Variants in OGDH observed in about 807,000 individuals in gnomAD.
OGDH encodes 2-oxoglutarate dehydrogenase complex component E1.
OGDH carries 38 observed loss-of-function variants against 116.6 expected under a neutral mutation model. The observed-to-expected ratio is 0.33, with a 90% CI of 0.25 to 0.43. The LOEUF (loss-of-function observed/expected upper bound fraction) is 0.43. Among genes scored for constraint, OGDH ranks in the 20% least tolerant of loss-of-function variants. OGDH has a pLI of 1.00. For synonymous variants in OGDH, 488 were observed against 533.3 expected (o/e 0.92, Z 1.17); for missense variants, 825 against 1,357.2 (o/e 0.61, Z 6.16).
chr7:44,645,367 C>T lies in OGDH; in HGVS notation c.263C>T (p.Pro88Leu). The T allele has an allele frequency of 6.2e-6, 10 of 1,614,174 alleles. No individual in the cohort carries two copies. The highest frequency in any genetic ancestry group is 1.1e-5 in the South Asian group (1 of 91,088). The change falls in exon 3 of 23, where the codon CCA becomes CTA. Residue 88 changes from proline (P) to leucine (L), a missense_variant. By Grantham distance (98) the Pro-to-Leu change is moderately conservative. This residue lies in a region of OGDH where 126 missense variants were observed against 130.4 expected (regional missense o/e 0.97). Coordinates refer to ENST00000222673, the MANE Select transcript of OGDH (RefSeq NM_002541.4). ...TTTCGCAACACGAATGCCGGAGCCC[C>T]ACCGGGCACTGCCTACCAGAGTCCC... ...IFFRNTNAGAPPGTAYQSPLP... is the reference protein window; with the variant it reads ...IFFRNTNAGALPGTAYQSPLP...
In OGDH at chr7:44,707,862, C is replaced by G. The variant is rs765909417; in HGVS notation, c.2952-17C>G. 6.2e-7 allele frequency: 1 copy of G among 1,611,188 alleles called. No individual in the cohort carries two copies. Among genetic ancestry groups the G allele is most frequent in the East Asian group, 2.2e-5 (1 of 44,874 alleles). On this transcript the variant is annotated splice_polypyrimidine_tract_variant and intron_variant, in intron 22 of 22. Transcript: ENST00000222673. The surrounding 1 kb of genome is among the most constrained non-coding windows in gnomAD (Gnocchi z 5.2). Reference sequence around the variant, plus strand: ...CAGTGTCCCCTGCCCTCACTGCCCCCTCCCTCCATCTCTCAGGTATGCCGG... The same window carrying G: ...CAGTGTCCCCTGCCCTCACTGCCCCGTCCCTCCATCTCTCAGGTATGCCGG...
rs976337419 is a variant in OGDH, at chr7:44,697,299, C to T, written c.2052-71C>T. ...CAGAGCATGGCATCTGCTGGTGCTT[C>T]GTGCGGGTCCCCAGCGTATTTGCTT... On this transcript the variant is annotated intron_variant, in intron 15 of 22. Coordinates refer to ENST00000222673, the MANE Select transcript of OGDH (RefSeq NM_002541.4). The surrounding 1 kb of genome is among the most constrained non-coding windows in gnomAD (Gnocchi z 6.0). 8.8e-6 allele frequency: 14 copies of T among 1,590,082 alleles called. No individual in the cohort carries two copies. The highest frequency in any genetic ancestry group is 4.0e-5 in the African/African-American group (3 of 74,612).
At chr7:44,638,452 T>G (rs1370669679) in intron 2 of OGDH, among the ~76,000 whole-genome samples, 4 of 152,232 alleles carry the variant, frequency 2.6e-5, no homozygotes, top group African/African-American at 9.6e-5. Context: ...AGCATGCTAT[T>G]AGATTGTGTA....
chr7:44,679,302 G>T (rs1381982371), intron 9 of OGDH, among the ~76,000 whole-genome samples: 2 of 152,164 alleles, frequency 1.3e-5, no homozygotes, highest in Non-Finnish European at 2.9e-5. Context: ...AAAACCAATG[G>T]CTTTTACACT....
At chr7:44,658,790 T>C (rs1786807214) in intron 4 of OGDH, among the ~76,000 whole-genome samples, 1 of 152,098 alleles carries the variant, frequency 6.6e-6, no homozygotes, top group African/African-American at 2.4e-5. Flanking sequence ...TATATTGAAT[T>C]TTGTCAGATG....
chr7:44,682,127 G>A (rs780359930), intron 10 of OGDH, among the ~76,000 whole-genome samples: 2 of 152,142 alleles, frequency 1.3e-5, no homozygotes, highest in Non-Finnish European at 2.9e-5. Flanking sequence ...GGGTGCAGTG[G>A]CTCAGTCCTG....
Position 44,681,768 on chromosome 7 carries a change from A to C in OGDH, c.1255A>C (p.Ile419Leu). 1 of 1,614,092 alleles carries C rather than the reference A, an allele frequency of 6.2e-7. No individual in the cohort carries two copies. The highest frequency in any genetic ancestry group is 8.5e-7 in the Non-Finnish European group (1 of 1,180,022). The change falls in exon 10 of 23, where the codon ATT (isoleucine) becomes CTT (leucine). Residue 419 changes from isoleucine to leucine, a missense_variant. Transcript: ENST00000222673. ...HGDAAFAGQG[I>L]VYETFHLSDL... ...GGATGCTGCATTTGCTGGCCAGGGC[A>C]TTGTGTACGAGACCTTCCACCTCAG...
chr7:44,650,477 T>C (rs1786389357), intron 4 of OGDH, among the ~76,000 whole-genome samples: 1 of 152,196 alleles, frequency 6.6e-6, no homozygotes, highest in Non-Finnish European at 1.5e-5. Context: ...CCTCAGGTGG[T>C]TTCAAAATTG....
intron 9 of OGDH, chr7:44,676,672 TA>T: frequency 3.1e-6 from 1 of 324,392 alleles, no homozygotes; most frequent in Non-Finnish European, 4.4e-6. Flanking sequence ...ATAGCAATAG[TA>T]AAACAGTCCT....
chr7:44,633,312 G>A (rs1785527892), intron 2 of OGDH, among the ~76,000 whole-genome samples: 1 of 150,048 alleles, frequency 6.7e-6, no homozygotes, highest in Admixed American at 6.6e-5. Flanking sequence ...GTGAAAAGGA[G>A]CAAATTGTTC....
chr7:44,646,516 C>G (rs973772895), intron 3 of OGDH, among the ~76,000 whole-genome samples: 1 of 152,230 alleles, frequency 6.6e-6, no homozygotes, highest in Non-Finnish European at 1.5e-5. Flanking sequence ...ATGCTATATG[C>G]TTTAAAGTGT....
chr7:44,650,077 T>C (rs1312722427), intron 4 of OGDH, among the ~76,000 whole-genome samples: 1 of 133,588 alleles, frequency 7.5e-6, no homozygotes, highest in Non-Finnish European at 1.7e-5. Flanking sequence ...CAGGGAGTAG[T>C]CTCCACGTTT....
intron 10 of OGDH, among the ~76,000 whole-genome samples, chr7:44,684,135 T>A (rs571658753): frequency 2.0e-5 from 3 of 151,928 alleles, no homozygotes; most frequent in African/African-American, 7.2e-5. Context: ...AGGAGAGAGG[T>A]CCTAGTGTCT....
chr7:44,700,279 A>AG lies in OGDH; in HGVS notation c.2559+13dup. 1 of 1,613,952 alleles carries AG rather than the reference A, an allele frequency of 6.2e-7. No homozygotes were observed. Among genetic ancestry groups the AG allele is most frequent in the South Asian group, 1.1e-5 (1 of 91,068 alleles). On this transcript the variant is annotated intron_variant, in intron 19 of 22. Coordinates refer to ENST00000222673, the MANE Select transcript of OGDH (RefSeq NM_002541.4). ...GCCATTCCGGAAGCCGGTCAGTGGC[A>AG]GGGCCTCCCTTGCTCAAACGAGGCC...
At chr7:44,668,437 AAAAC>A (rs766923013) in intron 5 of OGDH, among the ~76,000 whole-genome samples, 10 of 148,946 alleles carry the variant, frequency 6.7e-5, no homozygotes, top group African/African-American at 2.5e-4. Context: ...CTCCATCTCA[AAAAC>A]AAACAAAAAA....
chr7:44,700,387 G>T, intron 19 of OGDH, 118 bp downstream of exon 19: 1 of 1,296,528 alleles, frequency 7.7e-7, no homozygotes, highest in Non-Finnish European at 1.1e-6. Flanking sequence ...TGCAGGGGTA[G>T]TGTGGACAGG....
intron 4 of OGDH, among the ~76,000 whole-genome samples, chr7:44,663,796 T>C (rs571638983): frequency 6.6e-6 from 1 of 151,956 alleles, no homozygotes; most frequent in African/African-American, 2.4e-5. Flanking sequence ...AAAAACTAGC[T>C]GGACGTGGTG....
chr7:44,620,268 G>A, intron 1 of OGDH, among the ~76,000 whole-genome samples: 1 of 152,234 alleles, frequency 6.6e-6, no homozygotes, highest in East Asian at 1.9e-4. Context: ...TGATCCGCCT[G>A]CCTCAGCCTC....
At position 44,696,938 on chromosome 7, in the gene OGDH, G is replaced by C. The variant is rs758725914; in HGVS notation, c.1925G>C (p.Arg642Pro). The C allele has an allele frequency of 1.9e-6, 3 of 1,613,462 alleles. No homozygotes were observed. Among genetic ancestry groups the C allele is most frequent in the Non-Finnish European group, 2.5e-6 (3 of 1,179,576 alleles). Reference protein sequence around the residue: ...HGGLSRILKTRGEMVKNRTVD... With the variant: ...HGGLSRILKTPGEMVKNRTVD... Reference sequence around the variant, plus strand: ...GGGCTGAGCCGGATCTTGAAGACTCGTGGGGAAATGGTGAAGAACCGGACT... The same window carrying C: ...GGGCTGAGCCGGATCTTGAAGACTCCTGGGGAAATGGTGAAGAACCGGACT... Residue 642 changes from arginine to proline, a missense_variant, in exon 15 of 23, where the codon CGT (arginine) becomes CCT (proline). Arg to Pro is a moderately radical substitution (Grantham distance 103). Around this residue, in one of 7 missense-constraint regions of OGDH, gnomAD observed 92 missense variants for 129.7 expected, o/e 0.71. Coordinates refer to ENST00000222673, the MANE Select transcript of OGDH (RefSeq NM_002541.4).
Sources: allele counts gnomAD v4.1 joint callset (sites outside exome capture counted in the v4.1 genomes callset), GRCh38; gene constraint gnomAD v4.1.1; regional missense constraint gnomAD v4.1.1; non-coding constraint Gnocchi (gnomAD v3.1); transcripts MANE v1.5; gene names NCBI Gene and HGNC (gene_info 2026-07-23, HGNC 2026-07-21).